FAM184B: variants seen among roughly 807,000 people sequenced by gnomAD.
The protein encoded by FAM184B is family with sequence similarity 184 member B, also known as protein FAM184B.
A neutral mutation model predicts 135.9 loss-of-function variants in FAM184B; 111 were observed. The observed-to-expected ratio is 0.82, with a 90% CI of 0.70 to 0.96. The LOEUF is 0.96. FAM184B is among the 40% of genes least tolerant of loss of function. The probability of loss-of-function intolerance (pLI) is 0.00; values close to 1 mark genes in which losing one functional copy is unlikely to be tolerated. For missense variants in FAM184B, 1,375 were observed against 1,323.9 expected (o/e 1.04, Z -0.60); for synonymous variants, 552 against 524.8 (o/e 1.05, Z -0.71).
intron 13 of FAM184B, among the ~76,000 whole-genome samples, chr4:17,639,788 G>C (rs912496499): frequency 6.6e-6 from 1 of 152,030 alleles, no homozygotes; most frequent in South Asian, 2.1e-4. Context: ...TGGGAGACCA[G>C]GTCTTCCCTA....
chr4:17,714,063 C>T (rs1326671198), intron 1 of FAM184B, among the ~76,000 whole-genome samples: 1 of 152,150 alleles, frequency 6.6e-6, no homozygotes, highest in Non-Finnish European at 1.5e-5. Flanking sequence ...TCAAGCTGCA[C>T]ATGGACAAGA....
chr4:17,713,743 G>C (rs116376819), intron 1 of FAM184B, among the ~76,000 whole-genome samples: 1 of 152,140 alleles, frequency 6.6e-6, no homozygotes, highest in Non-Finnish European at 1.5e-5. Flanking sequence ...GCATCTCACC[G>C]TCTCACTCAG....
intron 1 of FAM184B, among the ~76,000 whole-genome samples, chr4:17,756,418 A>T (rs1347019471): frequency 6.6e-6 from 1 of 152,206 alleles, no homozygotes; most frequent in East Asian, 1.9e-4. Flanking sequence ...ATATATAAAT[A>T]ATTATCTAAA....
At chr4:17,715,457 T>C (rs766158522) in intron 1 of FAM184B, among the ~76,000 whole-genome samples, 8 of 151,872 alleles carry the variant, frequency 5.3e-5, no homozygotes, top group African/African-American at 9.7e-5. Flanking sequence ...GCCTGGGTGA[T>C]AGAGTGACAC....
chr4:17,689,969 C>T (rs574609109), intron 6 of FAM184B, among the ~76,000 whole-genome samples: 3 of 151,858 alleles, frequency 2.0e-5, no homozygotes, highest in East Asian at 4.0e-4. Flanking sequence ...GCCAACATGG[C>T]GAAACCCCAT....
At chr4:17,696,814 A>G (rs1416521903) in intron 5 of FAM184B, among the ~76,000 whole-genome samples, 1 of 146,398 alleles carries the variant, frequency 6.8e-6, no homozygotes, top group Non-Finnish European at 1.5e-5. Flanking sequence ...CCTTGTCTCT[A>G]AATGAATGAA....
At chr4:17,763,019 C>T (rs1718580345) in intron 1 of FAM184B, among the ~76,000 whole-genome samples, 1 of 152,190 alleles carries the variant, frequency 6.6e-6, no homozygotes, top group Non-Finnish European at 1.5e-5. Flanking sequence ...CTGACTCACT[C>T]CTGTGTTTTC....
chr4:17,698,644 T>G (rs1397123225), intron 5 of FAM184B, among the ~76,000 whole-genome samples: 1 of 152,144 alleles, frequency 6.6e-6, no homozygotes. Flanking sequence ...GGAGACCCCA[T>G]GAAGTGTCCC....
In FAM184B at chr4:17,632,327, A is replaced by C. The variant is rs1178058261; in HGVS notation, c.*205T>G. On this transcript the variant is annotated 3_prime_UTR_variant, in exon 18 of 18. Transcript: ENST00000265018. ...TGGACTCAAGCAGTCCATCTGCCTC[A>C]GCCTCCCAAAGTGATGGGATTACAG... 5.2e-6 allele frequency: 2 copies of C among 382,762 alleles called. No homozygotes were observed. The highest frequency in any genetic ancestry group is 7.5e-5 in the Admixed American group (2 of 26,624). The allele number at this position is 382,762 out of a possible 1,614,324, so 23.7% of individuals were successfully genotyped here.
intron 5 of FAM184B, among the ~76,000 whole-genome samples, chr4:17,700,751 G>T (rs1716965069): frequency 3.3e-5 from 5 of 152,092 alleles, no homozygotes; most frequent in Admixed American, 3.3e-4. Context: ...CCAAAAACAA[G>T]CTGAAAAAAT....
At chr4:17,651,395 G>A (rs371069366) in intron 11 of FAM184B, among the ~76,000 whole-genome samples, 19 of 151,864 alleles carry the variant, frequency 1.3e-4, no homozygotes, top group East Asian at 7.8e-4. Context: ...AAAATTAGCC[G>A]GGCGTGGTGG....
rs377324738 is a variant in FAM184B at position 17,636,316 on chromosome 4, T to A, written c.2784+212A>T. On this transcript the variant is annotated intron_variant, in intron 15 of 17. Coordinates refer to ENST00000265018, the MANE Select transcript of FAM184B (RefSeq NM_015688.2). The stretch of plus-strand genomic sequence containing the variant: ...AGACAGGGTTTCAACATGGCTAGGC[T>A]GGTCCCGAACTCCTGACCTCAAGTG... Among the ~76,000 whole-genome samples, 3 of 152,176 alleles carry A rather than the reference T, an allele frequency of 2.0e-5. No homozygotes were observed. In the East Asian group the frequency reaches 5.8e-4, roughly 29 times the overall value.
rs185314824 is a variant in FAM184B, at chr4:17,781,465, C to A, written c.-166G>T. Reference sequence around the variant, plus strand: ...GCCCCAGCTTCCCGAAGGTCTCCGCCTCCCGGGCCCACCCGCGCGCCCACC... The same window carrying A: ...GCCCCAGCTTCCCGAAGGTCTCCGCATCCCGGGCCCACCCGCGCGCCCACC... On this transcript the variant is annotated 5_prime_UTR_variant, in exon 1 of 18. It adds an upstream start codon to the 5' untranslated region. Transcript: ENST00000265018. This position sits in a 1 kb window ranked among gnomAD's most constrained non-coding sequence, Gnocchi z 6.5. The A allele has an allele frequency of 2.8e-5, 23 of 823,558 alleles. No individual in the cohort carries two copies. Among genetic ancestry groups the A allele is most frequent in the Middle Eastern group, 3.7e-4 (1 of 2,692 alleles). The allele number at this position is 823,558 out of a possible 1,614,324, so 51.0% of individuals were successfully genotyped here.
chr4:17,634,959 C>A, intron 16 of FAM184B, 50 bp downstream of exon 16: 1 of 1,353,004 alleles, frequency 7.4e-7, no homozygotes, highest in South Asian at 1.3e-5. Context: ...TTAAGAAAAA[C>A]GAAACCAATG....
In FAM184B at chr4:17,766,776, G is replaced by A. The variant is rs187510545; in HGVS notation, c.141+14383C>T. On this transcript the variant is annotated intron_variant, in intron 1 of 17. Transcript: ENST00000265018. Reference sequence around the variant, plus strand: ...AGGATCCCGCACCGGGGCAGCAGGCGGAGGTGCCTGCCAGTCCCGCGCAGA... The same window carrying A: ...AGGATCCCGCACCGGGGCAGCAGGCAGAGGTGCCTGCCAGTCCCGCGCAGA... Among the ~76,000 whole-genome samples the A allele has an allele frequency of 4.9e-4, 74 of 152,366 alleles. No individual in the cohort carries two copies. The South Asian group carries it at 0.014, about 28-fold the overall frequency.
At chr4:17,654,395 C>A (rs1453196210) in intron 10 of FAM184B, among the ~76,000 whole-genome samples, 1 of 152,140 alleles carries the variant, frequency 6.6e-6, no homozygotes, top group South Asian at 2.1e-4. Flanking sequence ...TGTTACCCAG[C>A]TGGTCTCAAA....
chr4:17,644,537 C>G (rs558724164), intron 12 of FAM184B, among the ~76,000 whole-genome samples: 8 of 152,244 alleles, frequency 5.3e-5, no homozygotes, highest in South Asian at 2.1e-4. Flanking sequence ...ATTCAACAGC[C>G]CTTCATGCTA....
At position 17,644,779 on chromosome 4, in the gene FAM184B, A is replaced by T. The variant is rs140710509; in HGVS notation, c.2347-2551T>A. ...AAAGAAGGGGTATTCAATTAGGAAA[A>T]GAGGAAGTCAAATTGTCCCTGTTTG... On this transcript the variant is annotated intron_variant, in intron 12 of 17. Transcript: ENST00000265018. Among the ~76,000 whole-genome samples the T allele has an allele frequency of 6.1e-3, 936 of 152,338 alleles. 12 individuals carry two copies. The highest frequency in any genetic ancestry group is 0.021 in the African/African-American group (881 of 41,580).
intron 7 of FAM184B, among the ~76,000 whole-genome samples, chr4:17,669,029 A>G (rs1000688647): frequency 6.6e-6 from 1 of 152,144 alleles, no homozygotes. Flanking sequence ...AATGTTATAA[A>G]CCCTACAGCC....
Sources: gnomAD v4.1 joint callset for allele counts (sites outside exome capture counted in the v4.1 genomes callset) on GRCh38, gnomAD v4.1.1 for gene constraint, Gnocchi (gnomAD v3.1) non-coding constraint, MANE v1.5 for transcripts, NCBI Gene and HGNC (gene_info 2026-07-23, HGNC 2026-07-21) for gene names.